Variants in RSRC1 observed in about 807,000 individuals in gnomAD.
The protein encoded by RSRC1 is arginine and serine rich coiled-coil 1.
RSRC1 carries 39 observed loss-of-function variants against 49.1 expected under a neutral mutation model. The ratio of observed to expected loss-of-function variants is 0.79; its 90% CI spans 0.61 to 1.04. The LOEUF (loss-of-function observed/expected upper bound fraction) is 1.04. RSRC1 is among the 50% of genes least tolerant of loss of function. RSRC1 has a pLI of 0.00. For missense variants in RSRC1, 388 were observed against 402.4 expected, an observed-to-expected ratio of 0.96 and a Z score of 0.31; for synonymous variants, 143 against 130.8, an observed-to-expected ratio of 1.09 and a Z score of -0.63.
At chr3:158,379,653 C>T (rs953911824) in intron 6 of RSRC1, among the ~76,000 whole-genome samples, 1 of 152,092 alleles carries the variant, frequency 6.6e-6, no homozygotes, top group African/African-American at 2.4e-5. Context: ...AGGCAGCTTC[C>T]CCTTCAAGGC....
At chr3:158,111,954 C>G (rs368505295) in intron 1 of RSRC1, among the ~76,000 whole-genome samples, 2 of 152,208 alleles carry the variant, frequency 1.3e-5, no homozygotes, top group Non-Finnish European at 2.9e-5. Flanking sequence ...CAATCAGGCA[C>G]GTGAACTTTA....
chr3:158,314,228 T>A (rs1728280733), intron 5 of RSRC1, among the ~76,000 whole-genome samples: 1 of 152,072 alleles, frequency 6.6e-6, no homozygotes, highest in African/African-American at 2.4e-5. Flanking sequence ...GTAGCTGAGA[T>A]TACAGGTGCC....
chr3:158,485,640 C>T (rs913433229), intron 7 of RSRC1, among the ~76,000 whole-genome samples: 1 of 152,100 alleles, frequency 6.6e-6, no homozygotes, highest in African/African-American at 2.4e-5. Flanking sequence ...ACATATGACA[C>T]TGACTGTCTT....
At chr3:158,429,229 C>T (rs1735633062) in intron 6 of RSRC1, among the ~76,000 whole-genome samples, 2 of 151,504 alleles carry the variant, frequency 1.3e-5, no homozygotes, top group Non-Finnish European at 3.0e-5. Context: ...AAAGCCTGAC[C>T]AATAGGAAAA....
At chr3:158,455,979 CAAAAAAAAAAAAAAAAAAAAAAAA>C (rs765828003) in intron 6 of RSRC1, among the ~76,000 whole-genome samples, 5 of 56,518 alleles carry the variant, frequency 8.8e-5, no homozygotes, top group Middle Eastern at 0.024. Flanking sequence ...GACTCCATCT[CAAAAAAAAAAAAAAAAAAAAAAAA>C]AAAAAAAAAA....
chr3:158,261,065 C>G (rs546335158), intron 4 of RSRC1, among the ~76,000 whole-genome samples: 14 of 152,264 alleles, frequency 9.2e-5, no homozygotes, highest in Admixed American at 6.5e-4. Context: ...TTCAAAGATG[C>G]ATTTTTGTGT....
chr3:158,463,504 ACT>A (rs1043336605), intron 7 of RSRC1, among the ~76,000 whole-genome samples: 1 of 152,018 alleles, frequency 6.6e-6, no homozygotes, highest in Non-Finnish European at 1.5e-5. Context: ...CTAGTAATTC[ACT>A]CTGTCACATC....
chr3:158,299,873 A>C (rs1230065549), intron 5 of RSRC1, among the ~76,000 whole-genome samples: 1 of 152,184 alleles, frequency 6.6e-6, no homozygotes, highest in African/African-American at 2.4e-5. Flanking sequence ...AAAGCTCTCC[A>C]CAGCAGGTGG....
At position 158,514,261 on chromosome 3, in the gene RSRC1, T is replaced by G. The variant is rs530269626; in HGVS notation, c.653-22831T>G. On this transcript the variant is annotated intron_variant, in intron 7 of 9. Transcript: ENST00000611884. ...TTTCTCTTGTGGGCATTTAGTGCTG[T>G]AAATTTCCCTCTACACACTGCTTTG... is the stretch of plus-strand genomic sequence containing the variant. Among the ~76,000 whole-genome samples the G allele has an allele frequency of 9.8e-5, 15 of 152,354 alleles. No homozygotes were observed. The East Asian group carries it at 2.5e-3, about 25-fold the overall frequency.
intron 6 of RSRC1, among the ~76,000 whole-genome samples, chr3:158,416,221 T>G (rs1280493640): frequency 6.6e-6 from 1 of 152,086 alleles, no homozygotes; most frequent in Non-Finnish European, 1.5e-5. Context: ...TTTGTGCCTT[T>G]CTCAACCATT....
intron 5 of RSRC1, among the ~76,000 whole-genome samples, chr3:158,304,481 C>G (rs563656493): frequency 6.6e-6 from 1 of 152,134 alleles, no homozygotes; most frequent in East Asian, 1.9e-4. Flanking sequence ...TCTAAACTTT[C>G]GTCTGTAGCA....
At chr3:158,229,244 A>T (rs1208440918) in intron 4 of RSRC1, among the ~76,000 whole-genome samples, 1 of 150,842 alleles carries the variant, frequency 6.6e-6, no homozygotes, top group African/African-American at 2.4e-5. Context: ...GTATGTATGT[A>T]TATAAACATA....
At chr3:158,253,309 C>T (rs1032783609) in intron 4 of RSRC1, among the ~76,000 whole-genome samples, 2 of 151,722 alleles carry the variant, frequency 1.3e-5, no homozygotes, top group African/African-American at 2.4e-5. Flanking sequence ...TTATTTTTCT[C>T]CTTAATTTCT....
intron 6 of RSRC1, among the ~76,000 whole-genome samples, chr3:158,456,775 T>C (rs922564327): frequency 1.3e-5 from 2 of 152,142 alleles, no homozygotes; most frequent in African/African-American, 4.8e-5. Context: ...CTAGATTATA[T>C]AGATCCTTGG....
intron 3 of RSRC1, among the ~76,000 whole-genome samples, chr3:158,142,700 A>G (rs372479849): frequency 3.9e-5 from 6 of 152,254 alleles, no homozygotes; most frequent in Admixed American, 1.3e-4. Context: ...AGAACTCACT[A>G]TCTTGAGGAC....
intron 6 of RSRC1, among the ~76,000 whole-genome samples, chr3:158,420,613 G>A (rs1312264004): frequency 6.6e-6 from 1 of 151,702 alleles, no homozygotes; most frequent in Non-Finnish European, 1.5e-5. Context: ...TTTTTATATC[G>A]TGAGAGTTTA....
At chr3:158,328,552 A>G (rs1028321362) in intron 5 of RSRC1, among the ~76,000 whole-genome samples, 1 of 152,154 alleles carries the variant, frequency 6.6e-6, no homozygotes, top group East Asian at 1.9e-4. Context: ...AGAATGTTGT[A>G]TATTGGCCCC....
chr3:158,420,536 C>T (rs1734982842), intron 6 of RSRC1, among the ~76,000 whole-genome samples: 1 of 151,862 alleles, frequency 6.6e-6, no homozygotes, highest in Non-Finnish European at 1.5e-5. Flanking sequence ...GTCACTTAAC[C>T]TGTCTGAGTT....
At chr3:158,514,847 A>C (rs1388172993) in intron 7 of RSRC1, among the ~76,000 whole-genome samples, 2 of 152,134 alleles carry the variant, frequency 1.3e-5, no homozygotes, top group Admixed American at 1.3e-4. Flanking sequence ...CTTCTTGTTG[A>C]ATTGATCCCT....
Sources: allele counts gnomAD v4.1 joint callset (sites outside exome capture counted in the v4.1 genomes callset), GRCh38; gene constraint gnomAD v4.1.1; transcripts MANE v1.5; gene names NCBI Gene and HGNC (gene_info 2026-07-23, HGNC 2026-07-21).